Variants in RALGAPA1 observed in about 807,000 individuals in gnomAD.
RALGAPA1 encodes the protein ral GTPase-activating protein subunit alpha-1.
Under a neutral mutation model 269.6 loss-of-function variants are expected in RALGAPA1, and 52 were observed. That is an observed-to-expected ratio of 0.19 (90% CI 0.15 to 0.24). The LOEUF (loss-of-function observed/expected upper bound fraction) is 0.24, where lower values mean the gene tolerates loss of function less well. Among genes scored for constraint, RALGAPA1 ranks in the 10% least tolerant of loss-of-function variants. The pLI is 1.00. For synonymous variants in RALGAPA1, 817 were observed against 1,008.3 expected (o/e 0.81, Z 3.60); for missense variants, 1,917 against 3,013.9 (o/e 0.64, Z 8.52).
At chr14:35,661,004 C>G (rs1438015759) in intron 27 of RALGAPA1, among the ~76,000 whole-genome samples, 1 of 152,092 alleles carries the variant, frequency 6.6e-6, no homozygotes, top group Admixed American at 6.6e-5. Flanking sequence ...TACAAAGTTT[C>G]AAATACGCAG....
intron 37 of RALGAPA1, among the ~76,000 whole-genome samples, chr14:35,580,002 G>C (rs2057851028): frequency 6.6e-6 from 1 of 152,020 alleles, no homozygotes; most frequent in Admixed American, 6.6e-5. Flanking sequence ...AAGAAAAACA[G>C]ATTTAAAATA....
intron 31 of RALGAPA1, among the ~76,000 whole-genome samples, chr14:35,639,191 T>C (rs765924653): frequency 1.2e-4 from 18 of 152,194 alleles, no homozygotes; most frequent in Non-Finnish European, 2.1e-4. Context: ...AAAAAGGTCA[T>C]TATGTGATGA....
At chr14:35,584,103 AT>A (rs2030278711) in intron 37 of RALGAPA1, among the ~76,000 whole-genome samples, 1 of 152,144 alleles carries the variant, frequency 6.6e-6, no homozygotes, top group Non-Finnish European at 1.5e-5. Context: ...ATATAGTTTA[AT>A]AATAGCAGCA....
At chr14:35,789,656 C>T (rs2076021475) in intron 1 of RALGAPA1, among the ~76,000 whole-genome samples, 1 of 152,114 alleles carries the variant, frequency 6.6e-6, no homozygotes, top group South Asian at 2.1e-4. Context: ...AACCATTCCT[C>T]ACCCCCACTG....
intron 36 of RALGAPA1, among the ~76,000 whole-genome samples, chr14:35,602,387 G>A (rs1307114909): frequency 3.3e-5 from 5 of 152,168 alleles, no homozygotes; most frequent in African/African-American, 1.2e-4. Flanking sequence ...TTGATGAACT[G>A]CCAGAATGTT....
intron 1 of RALGAPA1, among the ~76,000 whole-genome samples, chr14:35,784,766 C>G (rs1288476281): frequency 6.6e-6 from 1 of 152,156 alleles, no homozygotes; most frequent in African/African-American, 2.4e-5. Context: ...TTATTGCAAG[C>G]AAAGCATTAC....
intron 9 of RALGAPA1, 24 bp from the exon 10 acceptor site, chr14:35,748,848 AAGAG>A: frequency 6.5e-7 from 1 of 1,543,914 alleles, no homozygotes; most frequent in Non-Finnish European, 8.7e-7. Context: ...AAAAAAAAAA[AAGAG>A]AGAAACAATA....
intron 1 of RALGAPA1, among the ~76,000 whole-genome samples, chr14:35,779,896 G>T (rs183552298): frequency 2.3e-4 from 35 of 152,294 alleles, no homozygotes; most frequent in Admixed American, 2.0e-3. Flanking sequence ...GGCTGAGGTG[G>T]GCGGATCATG....
At chr14:35,675,123 G>C (rs1053815918) in intron 22 of RALGAPA1, among the ~76,000 whole-genome samples, 3 of 152,136 alleles carry the variant, frequency 2.0e-5, no homozygotes, top group Non-Finnish European at 4.4e-5. Context: ...GTCTTCCTAA[G>C]CCTTTTCTTT....
chr14:35,704,216 G>C (rs1425568341), intron 16 of RALGAPA1, among the ~76,000 whole-genome samples: 1 of 152,042 alleles, frequency 6.6e-6, no homozygotes, highest in African/African-American at 2.4e-5. Flanking sequence ...TCCAAAAGTT[G>C]AACACCAGGT....
intron 5 of RALGAPA1, among the ~76,000 whole-genome samples, chr14:35,761,967 C>T (rs756410051): frequency 7.9e-5 from 12 of 152,156 alleles, no homozygotes; most frequent in Non-Finnish European, 1.8e-4. Context: ...AAGATATTTT[C>T]GGAATGGGCA....
At chr14:35,690,588 T>TA (rs1434932329) in intron 17 of RALGAPA1, among the ~76,000 whole-genome samples, 1 of 152,194 alleles carries the variant, frequency 6.6e-6, no homozygotes, top group Non-Finnish European at 1.5e-5. Flanking sequence ...TATTACGTAT[T>TA]AAAATCTTAT....
chr14:35,639,852 T>C (rs1207802824), intron 31 of RALGAPA1, among the ~76,000 whole-genome samples: 1 of 151,148 alleles, frequency 6.6e-6, no homozygotes, highest in Non-Finnish European at 1.5e-5. Context: ...GGCAGGAGAA[T>C]GGTGTGAACC....
At chr14:35,604,299 A>G (rs2059455984) in intron 36 of RALGAPA1, among the ~76,000 whole-genome samples, 1 of 152,042 alleles carries the variant, frequency 6.6e-6, no homozygotes, top group Non-Finnish European at 1.5e-5. Flanking sequence ...GTTATATTAT[A>G]TTTCAAAATA....
chr14:35,584,192 A>G (rs1228701972), intron 37 of RALGAPA1, among the ~76,000 whole-genome samples: 2 of 152,224 alleles, frequency 1.3e-5, no homozygotes, highest in Non-Finnish European at 2.9e-5. Context: ...AATGAATGAC[A>G]GCAATGATAC....
At chr14:35,712,700 T>C (rs1211718851) in intron 16 of RALGAPA1, among the ~76,000 whole-genome samples, 1 of 152,094 alleles carries the variant, frequency 6.6e-6, no homozygotes, top group East Asian at 1.9e-4. Context: ...AGAGACAGGG[T>C]CTCACTATGT....
intron 17 of RALGAPA1, among the ~76,000 whole-genome samples, chr14:35,695,500 C>T (rs1275594152): frequency 1.3e-5 from 2 of 151,994 alleles, no homozygotes; most frequent in Admixed American, 6.5e-5. Context: ...AATAACATAT[C>T]GTTAATAAAA....
At chr14:35,658,762 A>G (rs2063355151) in intron 28 of RALGAPA1, among the ~76,000 whole-genome samples, 1 of 151,562 alleles carries the variant, frequency 6.6e-6, no homozygotes, top group Non-Finnish European at 1.5e-5. Flanking sequence ...ATAATAAAAT[A>G]TTTTATTTTA....
chr14:35,590,059 T>G (rs1474486944), intron 37 of RALGAPA1, among the ~76,000 whole-genome samples: 1 of 152,198 alleles, frequency 6.6e-6, no homozygotes, highest in Non-Finnish European at 1.5e-5. Flanking sequence ...TTCATAGAGA[T>G]TTAAGATAAA....
Sources: allele counts gnomAD v4.1 joint callset (sites outside exome capture counted in the v4.1 genomes callset), GRCh38; gene constraint gnomAD v4.1.1; transcripts MANE v1.5; gene names NCBI Gene and HGNC (gene_info 2026-07-23, HGNC 2026-07-21).